The following CRTC1 variants were observed in gnomAD, a reference collection of about 807,000 sequenced individuals.
CRTC1 encodes the protein CREB-regulated transcription coactivator 1.
In CRTC1, 18 loss-of-function variants were observed where a neutral mutation model predicts 66.1. The ratio of observed to expected loss-of-function variants is 0.27; its 90% CI spans 0.19 to 0.40. The LOEUF is 0.40. Ranked by LOEUF, CRTC1 falls within the 10% of genes least tolerant of loss-of-function variation. CRTC1 has a pLI of 1.00. For missense variants in CRTC1, 669 were observed against 887.9 expected, an observed-to-expected ratio of 0.75 and a Z score of 3.13; for synonymous variants, 416 against 398.8, an observed-to-expected ratio of 1.04 and a Z score of -0.51.
In CRTC1 at chr19:18,777,460, C is replaced by A; in HGVS notation, c.*78C>A. ...CCGGGGACGGCCGTGCTCCGTCCCT[C>A]GCCAACGGCCGAGCTTGTGATTCTG... On this transcript the variant is annotated 3_prime_UTR_variant, in exon 14 of 14. Coordinates refer to ENST00000321949, the MANE Select transcript of CRTC1 (RefSeq NM_015321.3). This position sits in a 1 kb window ranked among gnomAD's most constrained non-coding sequence, Gnocchi z 5.5. 4 of 1,298,530 alleles carry A rather than the reference C, an allele frequency of 3.1e-6. No homozygotes were observed. Among genetic ancestry groups the A allele is most frequent in the Non-Finnish European group, 4.4e-6 (4 of 909,010 alleles). The allele number at this position is 1,298,530 out of a possible 1,614,324, so 80.4% of individuals were successfully genotyped here. A position where few individuals can be genotyped will look rare whatever the true frequency, so the allele number is the denominator to read the frequency against.
At chr19:18,750,096 C>T (rs2054330596) in intron 5 of CRTC1, among the ~76,000 whole-genome samples, 1 of 152,164 alleles carries the variant, frequency 6.6e-6, no homozygotes, top group Admixed American at 6.5e-5. Flanking sequence ...AGAAAACAAC[C>T]CTGCAGGCGC....
rs2053122140 is a variant in CRTC1, at chr19:18,700,952, G to A, written c.126+17124G>A. On this transcript the variant is annotated intron_variant, in intron 1 of 13. Transcript: ENST00000321949. The stretch of plus-strand genomic sequence containing the variant: ...GTGCGCATCCCGCTTCCATCGCTGC[G>A]GGGATCCCTTCGGTCCTCCCAGGCA... Among the ~76,000 whole-genome samples, 6 of 152,382 alleles carry A rather than the reference G, an allele frequency of 3.9e-5. No individual in the cohort carries two copies. The South Asian group carries it at 1.2e-3, about 32-fold the overall frequency.
chr19:18,749,000 C>T (rs1253897603), intron 4 of CRTC1, among the ~76,000 whole-genome samples: 1 of 152,152 alleles, frequency 6.6e-6, no homozygotes, highest in African/African-American at 2.4e-5. Flanking sequence ...TGCTCAGAGA[C>T]ACATAGCTGG....
intron 4 of CRTC1, among the ~76,000 whole-genome samples, chr19:18,749,067 C>T (rs1295191634): frequency 1.3e-5 from 2 of 152,168 alleles, no homozygotes; most frequent in Non-Finnish European, 2.9e-5. Flanking sequence ...GGGACCCACT[C>T]TTGAGGCACC....
intron 11 of CRTC1, among the ~76,000 whole-genome samples, chr19:18,773,131 C>A (rs1022563492): frequency 7.9e-5 from 12 of 152,216 alleles, no homozygotes; most frequent in African/African-American, 2.9e-4. Flanking sequence ...GTCCGTCGTG[C>A]GCTGATGCAG....
At chr19:18,722,901 G>C (rs1279762821) in intron 1 of CRTC1, among the ~76,000 whole-genome samples, 1 of 151,706 alleles carries the variant, frequency 6.6e-6, no homozygotes, top group Non-Finnish European at 1.5e-5. Context: ...ACTCAGCATC[G>C]TGTTTTCGAG....
chr19:18,770,220 G>A (rs994750490), intron 10 of CRTC1, among the ~76,000 whole-genome samples: 4 of 152,224 alleles, frequency 2.6e-5, no homozygotes, highest in Admixed American at 6.5e-5. Flanking sequence ...GTCTGAATCC[G>A]GGGCCTGGCC....
Position 18,771,501 on chromosome 19 carries a change from C to T in CRTC1, c.1380C>T (p.Thr460=). The change falls in exon 11 of 14, where the codon ACC becomes ACT. Residue 460 remains threonine, a synonymous_variant. Transcript: ENST00000321949. The surrounding 1 kb of genome is among the most constrained non-coding windows in gnomAD (Gnocchi z 4.6). ...SAGSPANQSP[T]SPVSNQGFSP... is the part of the protein sequence containing the mutation. ...GCTCCCCGGCCAACCAGTCTCCCACCTCGCCAGTCTCCAATCAAGGCTTCT... is the reference window on the plus strand; with the variant it reads ...GCTCCCCGGCCAACCAGTCTCCCACTTCGCCAGTCTCCAATCAAGGCTTCT... The T allele has an allele frequency of 6.2e-7, 1 of 1,613,802 alleles. No individual in the cohort carries two copies. The highest frequency in any genetic ancestry group is 1.1e-5 in the South Asian group (1 of 91,060).
At chr19:18,714,283 C>T (rs2145596285) in intron 1 of CRTC1, among the ~76,000 whole-genome samples, 1 of 152,264 alleles carries the variant, frequency 6.6e-6, no homozygotes, top group South Asian at 2.1e-4. Context: ...CTCCATCCAC[C>T]TGCTATTCGG....
At chr19:18,732,665 C>T (rs1423448824) in intron 1 of CRTC1, among the ~76,000 whole-genome samples, 1 of 152,118 alleles carries the variant, frequency 6.6e-6, no homozygotes, top group African/African-American at 2.4e-5. Flanking sequence ...CAGACAAGGG[C>T]TTCGTGGGTG....
intron 2 of CRTC1, chr19:18,744,228 G>T: frequency 2.0e-6 from 3 of 1,465,554 alleles, no homozygotes; most frequent in Non-Finnish European, 2.8e-6. Flanking sequence ...GTGTGCGGGC[G>T]CTGGGGATCC....
intron 4 of CRTC1, among the ~76,000 whole-genome samples, chr19:18,748,930 C>T (rs1390330763): frequency 1.3e-5 from 2 of 152,120 alleles, no homozygotes; most frequent in African/African-American, 2.4e-5. Flanking sequence ...GCAGTGTGTT[C>T]ATCTCCATTG....
At chr19:18,720,754 G>C (rs2053608614) in intron 1 of CRTC1, among the ~76,000 whole-genome samples, 1 of 152,026 alleles carries the variant, frequency 6.6e-6, no homozygotes, top group Non-Finnish European at 1.5e-5. Flanking sequence ...CACCCACCTT[G>C]ACCTCCCAAA....
intron 3 of CRTC1, among the ~76,000 whole-genome samples, chr19:18,746,281 C>T (rs571425116): frequency 2.0e-5 from 3 of 152,244 alleles, no homozygotes; most frequent in Non-Finnish European, 4.4e-5. Flanking sequence ...CCAGGAAGGC[C>T]GTGAGCAGGG....
chr19:18,770,022 C>T (rs2054826439), intron 10 of CRTC1, among the ~76,000 whole-genome samples: 1 of 149,848 alleles, frequency 6.7e-6, no homozygotes, highest in Non-Finnish European at 1.5e-5. Flanking sequence ...CCCTACCCCA[C>T]CCCGCCCCAC....
chr19:18,758,060 A>G (rs2145796670), intron 6 of CRTC1, among the ~76,000 whole-genome samples: 1 of 150,924 alleles, frequency 6.6e-6, no homozygotes, highest in Non-Finnish European at 1.5e-5. Context: ...AAAATTAAAC[A>G]TTTTTTTAAA....
At chr19:18,732,914 A>T (rs113658524) in intron 1 of CRTC1, among the ~76,000 whole-genome samples, 4,096 of 151,754 alleles carry the variant, frequency 0.027, 190 homozygotes, top group African/African-American at 0.094. Flanking sequence ...ACATAGGAAG[A>T]CCCCATCTCT....
At chr19:18,690,425 T>C (rs2052802029) in intron 1 of CRTC1, among the ~76,000 whole-genome samples, 1 of 152,144 alleles carries the variant, frequency 6.6e-6, no homozygotes, top group South Asian at 2.1e-4. Flanking sequence ...GCAGCCTCCA[T>C]ATACAGGCAG....
rs772087970 is a variant in CRTC1 at position 18,768,749 on chromosome 19, C to T, written c.1276C>T (p.Pro426Ser). The T allele has an allele frequency of 8.1e-6, 13 of 1,602,106 alleles. No individual in the cohort carries two copies. Among genetic ancestry groups the T allele is most frequent in the East Asian group, 2.3e-5 (1 of 44,294 alleles). ...TVPSSLPQSP[P>S]ENPGQPSMGI... is the part of the protein sequence containing the mutation. ...ACCGTCCTCTCTCCCCCAGTCCCCC[C>T]CAGAGAACCCTGGCCAGCCATCGAT... Residue 426 changes from proline to serine, a missense_variant, in exon 10 of 14, where the codon CCA becomes TCA. By Grantham distance (74) the Pro-to-Ser change is moderately conservative. Around this residue, in one of 8 missense-constraint regions of CRTC1, gnomAD observed 241 missense variants for 242.2 expected, o/e 0.99. Coordinates refer to ENST00000321949, the MANE Select transcript of CRTC1 (RefSeq NM_015321.3). This position sits in a 1 kb window ranked among gnomAD's most constrained non-coding sequence, Gnocchi z 5.6.
Sources: allele counts gnomAD v4.1 joint callset (sites outside exome capture counted in the v4.1 genomes callset), GRCh38; gene constraint gnomAD v4.1.1; regional missense constraint gnomAD v4.1.1; non-coding constraint Gnocchi (gnomAD v3.1); transcripts MANE v1.5; gene names NCBI Gene and HGNC (gene_info 2026-07-23, HGNC 2026-07-21).